The following RPS6KA2 variants were observed in gnomAD, a reference collection of about 807,000 sequenced individuals.
RPS6KA2 encodes ribosomal protein S6 kinase A2.
Under a neutral mutation model 91.8 loss-of-function variants are expected in RPS6KA2, and 42 were observed. The ratio of observed to expected loss-of-function variants is 0.46; its 90% confidence interval spans 0.36 to 0.59. RPS6KA2 has a LOEUF of 0.59. Among genes scored for constraint, RPS6KA2 ranks in the 20% least tolerant of loss-of-function variants. The probability of loss-of-function intolerance (pLI) is 0.00; values close to 1 mark genes in which losing one functional copy is unlikely to be tolerated. For missense variants in RPS6KA2, 798 were observed against 978.5 expected (o/e 0.82, Z 2.46); for synonymous variants, 414 against 393.6 (o/e 1.05, Z -0.61).
chr6:166,454,688 A>T (rs6936648), intron 12 of RPS6KA2, among the ~76,000 whole-genome samples: 2 of 151,864 alleles, frequency 1.3e-5, no homozygotes, highest in African/African-American at 4.8e-5. Context: ...TAATGATTGC[A>T]GTGTGAGTCC....
chr6:166,631,649 T>C (rs1485961300), upstream of RPS6KA2, among the ~76,000 whole-genome samples: 1 of 152,238 alleles, frequency 6.6e-6, no homozygotes, highest in East Asian at 1.9e-4. Flanking sequence ...TTTTCGTCCC[T>C]CTGCCTGGGG....
Position 166,412,715 on chromosome 6 carries a change from G to T in RPS6KA2, c.*47C>A. 6.5e-7 allele frequency: 1 copy of T among 1,542,706 alleles called. No individual in the cohort carries two copies. The highest frequency in any genetic ancestry group is 8.7e-7 in the Non-Finnish European group (1 of 1,144,138). ...CGGGCTCCGAGGCCGGGGTCTGTGA[G>T]CCCACGAGGATGCTGGCAGGGGACG... On this transcript the variant is annotated 3_prime_UTR_variant, in exon 21 of 21. Transcript: ENST00000265678. This position sits in a 1 kb window ranked among gnomAD's most constrained non-coding sequence, Gnocchi z 4.3.
chr6:166,444,365 A>C (rs926947973), intron 14 of RPS6KA2, among the ~76,000 whole-genome samples: 10 of 152,320 alleles, frequency 6.6e-5, no homozygotes, highest in African/African-American at 2.2e-4. Context: ...ATACAACTTC[A>C]TCGCCCACCA....
At chr6:166,816,554 C>CA (rs762549959) in intron 2 of RPS6KA2, among the ~76,000 whole-genome samples, 5,778 of 137,684 alleles carry the variant, frequency 0.042, 146 homozygotes, top group Middle Eastern at 0.085. Flanking sequence ...GACTCCATCT[C>CA]AAAAAAAAAA....
At position 166,726,128 on chromosome 6, in the gene RPS6KA2, GATTT is replaced by G. The variant is rs947414203; in HGVS notation, c.123+132068_123+132071del. Among the ~76,000 whole-genome samples the G allele has an allele frequency of 1.3e-4, 15 of 117,822 alleles. No individual in the cohort carries two copies. Among genetic ancestry groups the G allele is most frequent in the African/African-American group, 3.8e-4 (6 of 15,966 alleles). 77.3% of individuals were successfully genotyped at this position (117,822 alleles called of 152,430 possible). On this transcript the variant is annotated intron_variant, in intron 2 of 21. Transcript: ENST00000503859. The surrounding 1 kb of genome is among the most constrained non-coding windows in gnomAD (Gnocchi z 4.4). Reference sequence around the variant, plus strand: ...AATGCCCTTAGGCTACAATATAGAAGATTTTTTTTTTTTTTTAGTTTAAAATCTT... The same window carrying G: ...AATGCCCTTAGGCTACAATATAGAAGTTTTTTTTTTTTAGTTTAAAATCTT...
At chr6:166,840,355 C>T (rs1191428173) in intron 2 of RPS6KA2, among the ~76,000 whole-genome samples, 1 of 152,190 alleles carries the variant, frequency 6.6e-6, no homozygotes, top group African/African-American at 2.4e-5. Context: ...GAGAGTGCGA[C>T]GGCCTTCCTC....
rs539286856 is a variant in RPS6KA2 at position 166,737,432 on chromosome 6, G to A, written c.123+120768C>T. Among the ~76,000 whole-genome samples the A allele has an allele frequency of 4.5e-4, 69 of 152,188 alleles. No homozygotes were observed. Among genetic ancestry groups the A allele is most frequent in the South Asian group, 1.5e-3 (7 of 4,816 alleles). Reference sequence around the variant, plus strand: ...GTAGGCATGCATAGCCAGACACCTCGAGAAATGACGCACGCCTTACTCATT... The same window carrying A: ...GTAGGCATGCATAGCCAGACACCTCAAGAAATGACGCACGCCTTACTCATT... On this transcript the variant is annotated intron_variant, in intron 2 of 21. Transcript: ENST00000503859. This position sits in a 1 kb window ranked among gnomAD's most constrained non-coding sequence, Gnocchi z 4.3.
In RPS6KA2 at chr6:166,508,184, T is replaced by C; in HGVS notation, c.459+19A>G. The C allele has an allele frequency of 6.4e-7, 1 of 1,569,320 alleles. No homozygotes were observed. The highest frequency in any genetic ancestry group is 1.7e-5 in the Admixed American group (1 of 59,816). On this transcript the variant is annotated intron_variant, in intron 5 of 20. Coordinates refer to ENST00000265678, the MANE Select transcript of RPS6KA2 (RefSeq NM_021135.6). The surrounding 1 kb of genome is among the most constrained non-coding windows in gnomAD (Gnocchi z 4.3). ...AGAAGCTCCTGCCCGCCCTCCTGTG[T>C]GATGTGGCGGCTGCTCACCTCTTTG...
At chr6:166,711,625 G>A (rs148245816) in intron 2 of RPS6KA2, among the ~76,000 whole-genome samples, 105 of 152,148 alleles carry the variant, frequency 6.9e-4, no homozygotes, top group African/African-American at 2.4e-3. Flanking sequence ...TGCACAGACT[G>A]GGCTTAATAG....
chr6:166,683,115 C>T (rs142487882), intron 2 of RPS6KA2, among the ~76,000 whole-genome samples: 3 of 152,254 alleles, frequency 2.0e-5, no homozygotes, highest in East Asian at 1.9e-4. Flanking sequence ...AAGATCCAAG[C>T]GCTGCTCAGG....
At chr6:166,492,182 C>A (rs1358627856) in intron 8 of RPS6KA2, among the ~76,000 whole-genome samples, 1 of 152,152 alleles carries the variant, frequency 6.6e-6, no homozygotes, top group Non-Finnish European at 1.5e-5. Context: ...ACTCTTCCAC[C>A]AGTTCTGACG....
At chr6:166,486,960 C>G (rs1211119749) in intron 10 of RPS6KA2, among the ~76,000 whole-genome samples, 1 of 152,136 alleles carries the variant, frequency 6.6e-6, no homozygotes, top group East Asian at 1.9e-4. Flanking sequence ...GAGCCGTGGC[C>G]GAGACACCGT....
chr6:166,456,900 G>A (rs1780122250), intron 12 of RPS6KA2, among the ~76,000 whole-genome samples: 1 of 152,214 alleles, frequency 6.6e-6, no homozygotes, highest in Admixed American at 6.5e-5. Flanking sequence ...AGTGCATTGT[G>A]TCTAATTATG....
chr6:166,479,613 G>A (rs1331894919), intron 10 of RPS6KA2, among the ~76,000 whole-genome samples: 1 of 152,272 alleles, frequency 6.6e-6, no homozygotes, highest in Non-Finnish European at 1.5e-5. Flanking sequence ...GCACGTCACA[G>A]AGAAGTCTCT....
intron 10 of RPS6KA2, among the ~76,000 whole-genome samples, chr6:166,484,460 GACAGGGTTCCAGTCA>G (rs1399574546): frequency 1.2e-4 from 18 of 152,312 alleles, no homozygotes; most frequent in African/African-American, 4.3e-4. Flanking sequence ...AGTGCCATGA[GACAGGGTTCCAGTCA>G]ACAAGAAGTA....
chr6:166,468,551 C>A (rs1050421619), intron 11 of RPS6KA2, among the ~76,000 whole-genome samples: 7 of 151,932 alleles, frequency 4.6e-5, no homozygotes, highest in Non-Finnish European at 8.8e-5. Flanking sequence ...CGTGGAGGCC[C>A]CGGACTCCAT....
At chr6:166,602,534 CAT>C (rs1034019322) in intron 1 of RPS6KA2, among the ~76,000 whole-genome samples, 1 of 152,206 alleles carries the variant, frequency 6.6e-6, no homozygotes, top group Non-Finnish European at 1.5e-5. Context: ...CAGAAGCAAA[CAT>C]AGGAACCAAG....
chr6:166,620,478 C>T (rs553577815), intron 1 of RPS6KA2, among the ~76,000 whole-genome samples: 10 of 152,244 alleles, frequency 6.6e-5, no homozygotes, highest in Admixed American at 5.2e-4. Context: ...GCTATTACCA[C>T]GAATTATGTT....
At position 166,424,524 on chromosome 6, in the gene RPS6KA2, C is replaced by T. The variant is rs1778841095; in HGVS notation, c.1582-1107G>A. ...AGAGGAAACATGTGATACGGTGCAG[C>T]TGCCTCCCTGTGAGGCCAGGGCTGG... On this transcript the variant is annotated intron_variant, in intron 16 of 20. Coordinates refer to ENST00000265678, the MANE Select transcript of RPS6KA2 (RefSeq NM_021135.6). Among the ~76,000 whole-genome samples, 3 of 152,206 alleles carry T rather than the reference C, an allele frequency of 2.0e-5. No homozygotes were observed. In the South Asian group the frequency reaches 6.2e-4, roughly 32 times the overall value.
Sources: allele counts gnomAD v4.1 joint callset (sites outside exome capture counted in the v4.1 genomes callset), GRCh38; gene constraint gnomAD v4.1.1; non-coding constraint Gnocchi (gnomAD v3.1); transcripts MANE v1.5; gene names NCBI Gene and HGNC (gene_info 2026-07-23, HGNC 2026-07-21).